The following ATAT1 variants were observed in gnomAD, a reference collection of about 807,000 sequenced individuals.
ATAT1 encodes the protein alpha tubulin acetyltransferase 1.
A neutral mutation model predicts 57.2 loss-of-function variants in ATAT1; 42 were observed. The ratio of observed to expected loss-of-function variants is 0.73; its 90% CI spans 0.57 to 0.95. The LOEUF (loss-of-function observed/expected upper bound fraction) is 0.95. Ranked by LOEUF, ATAT1 falls within the 40% of genes least tolerant of loss-of-function variation. The probability of loss-of-function intolerance (pLI) is 0.00; values close to 1 mark genes in which losing one functional copy is unlikely to be tolerated. For missense variants in ATAT1, 454 were observed against 523.7 expected, an observed-to-expected ratio of 0.87 and a Z score of 1.30; for synonymous variants, 168 against 187.1, an observed-to-expected ratio of 0.90 and a Z score of 0.83.
At chr6:30,634,626 T>C (rs553133912) in intron 6 of ATAT1, among the ~76,000 whole-genome samples, 3 of 147,316 alleles carry the variant, frequency 2.0e-5, no homozygotes, top group South Asian at 2.1e-4. Flanking sequence ...CTGACTTTAC[T>C]TGTGGTGTGA....
chr6:30,639,164 T>A (rs534683403), intron 6 of ATAT1, among the ~76,000 whole-genome samples: 1 of 152,202 alleles, frequency 6.6e-6, no homozygotes, highest in South Asian at 2.1e-4. Context: ...GTATTTATAA[T>A]AGACACAGGG....
In ATAT1 at chr6:30,627,201, A is replaced by C; in HGVS notation, c.-3A>C. On this transcript the variant is annotated 5_prime_UTR_variant, in exon 1 of 13. Coordinates refer to ENST00000330083, the MANE Select transcript of ATAT1 (RefSeq NM_001031722.4). ...CCCGGGCCCAAAATGTCCCAATCAA[A>C]GGATGTGGTTGACCTGGCCTTTCTG... 6.2e-7 allele frequency: 1 copy of C among 1,614,016 alleles called. No homozygotes were observed. Among genetic ancestry groups the C allele is most frequent in the Non-Finnish European group, 8.5e-7 (1 of 1,179,886 alleles).
At position 30,646,558 on chromosome 6, in the gene ATAT1, C is replaced by T; in HGVS notation, c.1145C>T (p.Ala382Val). 1 of 1,585,654 alleles carries T rather than the reference C, an allele frequency of 6.3e-7. No homozygotes were observed. Among genetic ancestry groups the T allele is most frequent in the Non-Finnish European group, 8.6e-7 (1 of 1,166,218 alleles). ...CCTCCACAGGCCCCGGCCCCGCCAG[C>T]CCAGTCCTGGACAGTGGGTGGGGAC... The change falls in exon 13 of 13, where the codon GCC (alanine) becomes GTC (valine). Residue 382 changes from alanine (A) to valine (V), a missense_variant. Ala to Val is a moderately conservative substitution (Grantham distance 64, BLOSUM62 0). Coordinates refer to ENST00000330083, the MANE Select transcript of ATAT1 (RefSeq NM_001031722.4).
At chr6:30,640,859 C>G (rs17189204) in intron 8 of ATAT1, among the ~76,000 whole-genome samples, 3 of 152,126 alleles carry the variant, frequency 2.0e-5, no homozygotes, top group African/African-American at 7.2e-5. Context: ...AGTTCAGGTC[C>G]GTCAACATAG....
intron 10 of ATAT1, chr6:30,644,562 C>A: frequency 2.0e-6 from 2 of 985,390 alleles, no homozygotes; most frequent in Non-Finnish European, 2.4e-6. Context: ...CCGGATCTCC[C>A]CATCTCCCCT....
Position 30,646,720 on chromosome 6 carries a change from T to C in ATAT1, c.*77T>C, listed in dbSNP as rs1766800396. 4.2e-6 allele frequency: 6 copies of C among 1,425,398 alleles called. No homozygotes were observed. The South Asian group carries it at 6.1e-5, about 15-fold the overall frequency. The allele number at this position is 1,425,398 out of a possible 1,614,324, so 88.3% of individuals were successfully genotyped here. A position where few individuals can be genotyped will look rare whatever the true frequency, so the allele number is the denominator to read the frequency against. On this transcript the variant is annotated 3_prime_UTR_variant, in exon 13 of 13. Transcript: ENST00000330083. ...AAGAGCCAAAGCCCAACCCTCATAA[T>C]AGATGGATACATTCATTCATTCATT...
At position 30,627,448 on chromosome 6, in the gene ATAT1, C is replaced by T. The variant is rs1199110192; in HGVS notation, c.72-12C>T. 2 of 1,612,560 alleles carry T rather than the reference C, an allele frequency of 1.2e-6. No individual in the cohort carries two copies. Among genetic ancestry groups the T allele is most frequent in the Non-Finnish European group, 1.7e-6 (2 of 1,178,626 alleles). On this transcript the variant is annotated splice_polypyrimidine_tract_variant and intron_variant, in intron 1 of 12. Transcript: ENST00000330083. Reference sequence around the variant, plus strand: ...GTGAGTATCTGACTCTTTATTTCTTCTCTTTCTCTAGTGTTGATCTACAGC... The same window carrying T: ...GTGAGTATCTGACTCTTTATTTCTTTTCTTTCTCTAGTGTTGATCTACAGC...
chr6:30,627,648 T>C lies in ATAT1; in HGVS notation c.145T>C (p.Ser49Pro), dbSNP rs1354427042. 6.2e-7 allele frequency: 1 copy of C among 1,613,014 alleles called. No homozygotes were observed. The highest frequency in any genetic ancestry group is 8.5e-7 in the Non-Finnish European group (1 of 1,180,010). The change falls in exon 3 of 13, where the codon TCC becomes CCC. Residue 49 changes from serine to proline, a missense_variant. By Grantham distance (74) the Ser-to-Pro change is moderately conservative. Around this residue, in one of 3 missense-constraint regions of ATAT1, gnomAD observed 236 missense variants for 284.5 expected, o/e 0.83. Coordinates refer to ENST00000330083, the MANE Select transcript of ATAT1 (RefSeq NM_001031722.4). ...ATCTTCCCTGCAGGCCCAGAATCTT[T>C]CCGCTCCTATCACTAGTGCATCAAG...
intron 1 of ATAT1, 161 bp from the exon 2 acceptor site, chr6:30,627,299 A>T: frequency 6.2e-7 from 1 of 1,613,592 alleles, no homozygotes; most frequent in Middle Eastern, 1.7e-4. Flanking sequence ...TGGGTTTCAG[A>T]AGGGTGGGGT....
intron 6 of ATAT1, among the ~76,000 whole-genome samples, chr6:30,639,304 T>C (rs2127534777): frequency 6.6e-6 from 1 of 151,766 alleles, no homozygotes; most frequent in African/African-American, 2.4e-5. Flanking sequence ...ATGTGCTTAT[T>C]GGCCATTTGT....
intron 10 of ATAT1, chr6:30,643,613 C>G: frequency 3.2e-6 from 5 of 1,550,526 alleles, no homozygotes; most frequent in Admixed American, 2.0e-5. Flanking sequence ...GGGAACCCCT[C>G]CCTGAGAACC....
intron 6 of ATAT1, among the ~76,000 whole-genome samples, chr6:30,629,828 G>C (rs1473558321): frequency 6.6e-6 from 1 of 152,212 alleles, no homozygotes. Flanking sequence ...ACAGGCGTGA[G>C]CCACCGTGCC....
intron 6 of ATAT1, among the ~76,000 whole-genome samples, chr6:30,635,190 A>T (rs1763802781): frequency 6.6e-6 from 1 of 152,220 alleles, no homozygotes; most frequent in Non-Finnish European, 1.5e-5. Context: ...GTGAAACAAT[A>T]TTGTGCAACA....
Position 30,627,039 on chromosome 6 carries a change from C to A in ATAT1, c.-165C>A. 1 of 1,553,054 alleles carries A rather than the reference C, an allele frequency of 6.4e-7. No homozygotes were observed. On this transcript the variant is annotated 5_prime_UTR_variant, in exon 1 of 13. Coordinates refer to ENST00000330083, the MANE Select transcript of ATAT1 (RefSeq NM_001031722.4). ...CTGGCCCTTTTCTCCCGGTTCCTCT[C>A]CAAACCTGGTCCAGGCACCACGCCC...
At chr6:30,642,574 C>T (rs1418560753) in intron 9 of ATAT1, among the ~76,000 whole-genome samples, 194 bp from the exon 10 acceptor site, 9 of 150,380 alleles carry the variant, frequency 6.0e-5, no homozygotes, top group East Asian at 3.9e-4. Context: ...ACCCAGGAGG[C>T]GGAAGTTGCA....
In ATAT1 at chr6:30,643,124, G is replaced by C. The variant is rs551204992; in HGVS notation, c.932+113G>C. On this transcript the variant is annotated intron_variant, in intron 10 of 12. Coordinates refer to ENST00000330083, the MANE Select transcript of ATAT1 (RefSeq NM_001031722.4). The stretch of plus-strand genomic sequence containing the variant: ...ATGGATCAATAAGATGGGTGGCTTG[G>C]GGGGGGTCCTGAAACCTTTCAAGAA... The C allele has an allele frequency of 3.6e-5, 55 of 1,507,634 alleles. No individual in the cohort carries two copies. In the African/African-American group the frequency reaches 4.2e-4, roughly 12 times the overall value. 93.4% of individuals were successfully genotyped at this position (1,507,634 alleles called of 1,614,324 possible).
At position 30,627,176 on chromosome 6, in the gene ATAT1, C is replaced by A; in HGVS notation, c.-28C>A. On this transcript the variant is annotated 5_prime_UTR_variant, in exon 1 of 13. Coordinates refer to ENST00000330083, the MANE Select transcript of ATAT1 (RefSeq NM_001031722.4). Reference sequence around the variant, plus strand: ...AGCGCTTGGATCTGTGACCTTTCACCCCGGGCCCAAAATGTCCCAATCAAA... The same window carrying A: ...AGCGCTTGGATCTGTGACCTTTCACACCGGGCCCAAAATGTCCCAATCAAA... 1 of 1,613,574 alleles carries A rather than the reference C, an allele frequency of 6.2e-7. No homozygotes were observed. Among genetic ancestry groups the A allele is most frequent in the Non-Finnish European group, 8.5e-7 (1 of 1,179,736 alleles).
chr6:30,643,158 G>C (rs932767194), intron 10 of ATAT1, 147 bp downstream of exon 10: 25 of 1,485,472 alleles, frequency 1.7e-5, no homozygotes, highest in Non-Finnish European at 2.2e-5. Context: ...AAAAATATTT[G>C]TGCAAGTGAT....
At chr6:30,644,491 C>T (rs766303726) in intron 10 of ATAT1, 75 of 985,728 alleles carry the variant, frequency 7.6e-5, no homozygotes, top group Non-Finnish European at 8.9e-5. Context: ...CCTTCCCCTC[C>T]CTACCCTCTG....
Sources: gnomAD v4.1 joint callset for allele counts (sites outside exome capture counted in the v4.1 genomes callset) on GRCh38, gnomAD v4.1.1 for gene constraint, gnomAD v4.1.1 regional missense constraint, MANE v1.5 for transcripts, NCBI Gene and HGNC (gene_info 2026-07-23, HGNC 2026-07-21) for gene names.